ATF6: variants seen among roughly 807,000 people sequenced by gnomAD.
ATF6 encodes the protein cyclic AMP-dependent transcription factor ATF-6 alpha.
In ATF6, 53 loss-of-function variants were observed where a neutral mutation model predicts 83.6. The observed-to-expected ratio is 0.63, with a 90% confidence interval of 0.51 to 0.80. The LOEUF (loss-of-function observed/expected upper bound fraction) is 0.80, where lower values mean the gene tolerates loss of function less well. ATF6 is among the 30% of genes least tolerant of loss of function. The pLI, the probability that ATF6 is intolerant of heterozygous loss-of-function variation, is 0.00. For missense variants in ATF6, 744 were observed against 797.9 expected (o/e 0.93, Z 0.81); for synonymous variants, 288 against 285.8 (o/e 1.01, Z -0.08).
At chr1:161,880,622 A>G (rs1246574655) in intron 14 of ATF6, among the ~76,000 whole-genome samples, 1 of 152,088 alleles carries the variant, frequency 6.6e-6, no homozygotes, top group Non-Finnish European at 1.5e-5. Context: ...TTTACTGCTA[A>G]TATTCTGGTG....
intron 9 of ATF6, 141 bp downstream of exon 9, chr1:161,821,302 C>T: frequency 1.8e-6 from 1 of 542,096 alleles, no homozygotes; most frequent in South Asian, 2.4e-5. Context: ...GCCATGCCTT[C>T]AAAGATCTCA....
At chr1:161,878,866 GT>G in intron 14 of ATF6, among the ~76,000 whole-genome samples, 1 of 152,250 alleles carries the variant, frequency 6.6e-6, no homozygotes, top group South Asian at 2.1e-4. Context: ...GGATTAAGTA[GT>G]AAGGAAGTGA....
chr1:161,920,396 G>A (rs1373027843), intron 15 of ATF6, among the ~76,000 whole-genome samples: 3 of 142,782 alleles, frequency 2.1e-5, no homozygotes, highest in East Asian at 2.1e-4. Context: ...CTGGGTTCAC[G>A]CCATTCTCCT....
rs1557971141 is a variant in ATF6 at position 161,807,863 on chromosome 1, A to ATTTTTTTTTTTTTTTTTT, written c.909+5592_909+5593insTTTTTTTTTTTTTTTTTT. On this transcript the variant is annotated intron_variant, in intron 7 of 15. Transcript: ENST00000367942. ...TACTTTTTGTACTTTTTAGTTTGTC[A>ATTTTTTTTTTTTTTTTTT]TCTTTTTTTTTTTTTTTTTTTTTTT... is the stretch of plus-strand genomic sequence containing the variant. Among the ~76,000 whole-genome samples, 5 of 54,786 alleles carry ATTTTTTTTTTTTTTTTTT rather than the reference A, an allele frequency of 9.1e-5. 1 individual carries two copies. The highest frequency in any genetic ancestry group is 4.1e-4 in the African/African-American group (5 of 12,204). 35.9% of individuals were successfully genotyped at this position (54,786 alleles called of 152,430 possible). A position where few individuals can be genotyped will look rare whatever the true frequency, so the allele number is the denominator to read the frequency against.
chr1:161,886,302 C>T (rs1687417487), intron 14 of ATF6, among the ~76,000 whole-genome samples: 1 of 152,186 alleles, frequency 6.6e-6, no homozygotes, highest in Non-Finnish European at 1.5e-5. Context: ...AGGAAGATAA[C>T]TCTGTAATTG....
rs1305145324 is a variant in ATF6 at position 161,807,863 on chromosome 1, ATCT to A, written c.909+5593_909+5595del. ...TACTTTTTGTACTTTTTAGTTTGTC[ATCT>A]TTTTTTTTTTTTTTTTTTTTTTTTT... On this transcript the variant is annotated intron_variant, in intron 7 of 15. Transcript: ENST00000367942. Among the ~76,000 whole-genome samples the A allele has an allele frequency of 1.5e-4, 8 of 54,798 alleles. No homozygotes were observed. The South Asian group carries it at 3.2e-3, about 22-fold the overall frequency. 35.9% of individuals were successfully genotyped at this position (54,798 alleles called of 152,430 possible).
At position 161,961,261 on chromosome 1, in the gene ATF6, C is replaced by CA. The variant is rs1259285701; in HGVS notation, c.*2608dup. 6.6e-6 allele frequency: 1 copy of CA among 152,300 alleles called. No homozygotes were observed. Among genetic ancestry groups the CA allele is most frequent in the Non-Finnish European group, 1.5e-5 (1 of 68,124 alleles). The allele number at this position is 152,300 out of a possible 1,614,324, so 9.4% of individuals were successfully genotyped here. A position where few individuals can be genotyped will look rare whatever the true frequency, so the allele number is the denominator to read the frequency against. On this transcript the variant is annotated 3_prime_UTR_variant, in exon 16 of 16. Transcript: ENST00000367942. ...GGTAGCAGGGCCGGCAGCTCTGCCA[C>CA]AGAGCTAGGGGTGCCTGTAAGGTGC...
At chr1:161,814,253 A>G (rs1162591319) in intron 7 of ATF6, among the ~76,000 whole-genome samples, 1 of 152,204 alleles carries the variant, frequency 6.6e-6, no homozygotes, top group Admixed American at 6.5e-5. Context: ...AACCATTTTG[A>G]GGCTCCTTTG....
intron 15 of ATF6, among the ~76,000 whole-genome samples, chr1:161,946,051 G>A (rs550551935): frequency 1.8e-4 from 28 of 152,310 alleles, no homozygotes; most frequent in Non-Finnish European, 3.4e-4. Flanking sequence ...TGTCACCCAG[G>A]CTGTAGTGCG....
chr1:161,803,416 A>G (rs1221156961), intron 7 of ATF6, among the ~76,000 whole-genome samples: 3 of 152,226 alleles, frequency 2.0e-5, no homozygotes, highest in Non-Finnish European at 4.4e-5. Flanking sequence ...TAGTGTTGCT[A>G]TGAGACTAGA....
intron 15 of ATF6, among the ~76,000 whole-genome samples, chr1:161,956,292 A>G (rs2101923090): frequency 6.6e-6 from 1 of 151,788 alleles, no homozygotes; most frequent in East Asian, 1.9e-4. Flanking sequence ...ATGCGCATAC[A>G]CACACACACA....
intron 1 of ATF6, among the ~76,000 whole-genome samples, chr1:161,767,706 G>A (rs1684296862): frequency 1.3e-5 from 2 of 152,172 alleles, no homozygotes; most frequent in South Asian, 4.1e-4. Flanking sequence ...TGTACCCCTA[G>A]CATCTATTCT....
chr1:161,780,154 A>ACATG (rs1684601983), intron 2 of ATF6, among the ~76,000 whole-genome samples: 1 of 151,998 alleles, frequency 6.6e-6, no homozygotes, highest in Non-Finnish European at 1.5e-5. Flanking sequence ...GTGCACTTTC[A>ACATG]CATGTTCTCT....
intron 9 of ATF6, among the ~76,000 whole-genome samples, chr1:161,831,658 A>T (rs565198896): frequency 6.6e-6 from 1 of 152,224 alleles, no homozygotes; most frequent in Admixed American, 6.5e-5. Context: ...ACATGGATGA[A>T]TCTGGAAACC....
At position 161,860,243 on chromosome 1, in the gene ATF6, G is replaced by A. The variant is rs763475941; in HGVS notation, c.1570G>A (p.Ala524Thr). ...LEQGSNSQLM[A>T]VQYTETTSSI... The stretch of plus-strand genomic sequence containing the variant: ...ACAGGGCTCAAATTCTCAGCTGATG[G>A]CTGTTCAATACACAGAAACCACTAG... The change falls in exon 13 of 16, where the codon GCT becomes ACT. Residue 524 changes from alanine to threonine, a missense_variant. Transcript: ENST00000367942. 4.4e-6 allele frequency: 7 copies of A among 1,596,254 alleles called. No homozygotes were observed. The South Asian group carries it at 7.9e-5, about 18-fold the overall frequency.
intron 12 of ATF6, among the ~76,000 whole-genome samples, chr1:161,857,497 G>A (rs1042018460): frequency 6.6e-6 from 1 of 152,064 alleles, no homozygotes; most frequent in Non-Finnish European, 1.5e-5. Flanking sequence ...GCAAAATAAG[G>A]ACATTTTCAC....
chr1:161,781,506 T>C (rs1010524647), intron 2 of ATF6, among the ~76,000 whole-genome samples: 1 of 152,220 alleles, frequency 6.6e-6, no homozygotes, highest in African/African-American at 2.4e-5. Flanking sequence ...TCTATATTCT[T>C]TCTATTGTAT....
intron 4 of ATF6, among the ~76,000 whole-genome samples, chr1:161,791,104 C>CTGTGTG (rs1324328012): frequency 4.9e-4 from 48 of 98,738 alleles, no homozygotes; most frequent in African/African-American, 2.4e-3. Context: ...GTGTGTGTGT[C>CTGTGTG]TCTGTGTGTG....
chr1:161,958,823 C>G lies in ATF6; in HGVS notation c.*169C>G, dbSNP rs1571264725. 10 of 575,376 alleles carry G rather than the reference C, an allele frequency of 1.7e-5. No homozygotes were observed. The East Asian group carries it at 2.7e-4, about 15-fold the overall frequency. 35.6% of individuals were successfully genotyped at this position (575,376 alleles called of 1,614,324 possible). On this transcript the variant is annotated 3_prime_UTR_variant, in exon 16 of 16. Coordinates refer to ENST00000367942, the MANE Select transcript of ATF6 (RefSeq NM_007348.4). ...AAGCTGCTCCATTTTTCATCATCTA[C>G]CCATCTATTTGGAAAGCACTGGAAT...
Sources: allele counts gnomAD v4.1 joint callset (sites outside exome capture counted in the v4.1 genomes callset), GRCh38; gene constraint gnomAD v4.1.1; transcripts MANE v1.5; gene names NCBI Gene and HGNC (gene_info 2026-07-23, HGNC 2026-07-21).